CLSTN2: variants seen among roughly 807,000 people sequenced by gnomAD.
CLSTN2 encodes the protein calsyntenin 2.
CLSTN2 carries 48 observed loss-of-function variants against 101.2 expected under a neutral mutation model. The observed-to-expected ratio is 0.47, with a 90% confidence interval of 0.38 to 0.60. The LOEUF (loss-of-function observed/expected upper bound fraction) is 0.60. Among genes scored for constraint, CLSTN2 ranks in the 20% least tolerant of loss-of-function variants. CLSTN2 has a pLI of 0.00. For synonymous variants in CLSTN2, 481 were observed against 463.6 expected (o/e 1.04, Z -0.48); for missense variants, 1,160 against 1,238.2 (o/e 0.94, Z 0.95).
intron 2 of CLSTN2, among the ~76,000 whole-genome samples, chr3:140,232,610 C>A (rs1037219722): frequency 6.6e-6 from 1 of 152,126 alleles, no homozygotes; most frequent in African/African-American, 2.4e-5. Flanking sequence ...ATGTGCCTAC[C>A]CACTCAGCAT....
chr3:140,243,012 C>T (rs559988332), intron 2 of CLSTN2, among the ~76,000 whole-genome samples: 2 of 152,328 alleles, frequency 1.3e-5, no homozygotes, highest in South Asian at 4.1e-4. Flanking sequence ...AGCTTGAAAT[C>T]TTGCCAAGCT....
intron 1 of CLSTN2, among the ~76,000 whole-genome samples, chr3:139,967,847 T>A (rs766482200): frequency 1.3e-5 from 2 of 152,162 alleles, no homozygotes; most frequent in Non-Finnish European, 2.9e-5. Flanking sequence ...TTAAACATGA[T>A]GTGCAGGCAG....
intron 2 of CLSTN2, among the ~76,000 whole-genome samples, chr3:140,267,274 A>G (rs2086701091): frequency 6.6e-6 from 1 of 152,202 alleles, no homozygotes; most frequent in African/African-American, 2.4e-5. Context: ...AAGCAGAATG[A>G]GGAGAATGCA....
chr3:140,356,610 T>C (rs2087672595), intron 2 of CLSTN2, among the ~76,000 whole-genome samples: 1 of 151,654 alleles, frequency 6.6e-6, no homozygotes, highest in Non-Finnish European at 1.5e-5. Context: ...ATACAAAAAT[T>C]AGCCGAGTGT....
At chr3:139,963,388 A>G (rs1197516501) in intron 1 of CLSTN2, among the ~76,000 whole-genome samples, 1 of 151,974 alleles carries the variant, frequency 6.6e-6, no homozygotes, top group Non-Finnish European at 1.5e-5. Context: ...TACTTTTCCA[A>G]TCACATTACC....
intron 2 of CLSTN2, among the ~76,000 whole-genome samples, chr3:140,259,211 G>T (rs1313025161): frequency 6.7e-6 from 1 of 149,984 alleles, no homozygotes; most frequent in African/African-American, 2.5e-5. Context: ...GGTGGCTCAC[G>T]CTTGTAATCC....
chr3:140,024,535 G>T (rs1165164379), intron 1 of CLSTN2, among the ~76,000 whole-genome samples: 1 of 152,202 alleles, frequency 6.6e-6, no homozygotes, highest in Non-Finnish European at 1.5e-5. Context: ...GGCAGTCTCG[G>T]CCTGGCCTTG....
At chr3:140,275,258 C>G (rs1310373881) in intron 2 of CLSTN2, among the ~76,000 whole-genome samples, 1 of 137,888 alleles carries the variant, frequency 7.3e-6, no homozygotes, top group Admixed American at 8.0e-5. Flanking sequence ...CCCTTCCTTA[C>G]AGGTACCCCT....
At chr3:139,971,465 G>T (rs775462063) in intron 1 of CLSTN2, among the ~76,000 whole-genome samples, 5 of 152,186 alleles carry the variant, frequency 3.3e-5, no homozygotes, top group Non-Finnish European at 7.4e-5. Flanking sequence ...GGCTACAGTT[G>T]CTGTCCTTGG....
chr3:140,566,471 G>A lies in CLSTN2; in HGVS notation c.*218G>A. The A allele has an allele frequency of 1.7e-6, 1 of 583,692 alleles. No homozygotes were observed. Among genetic ancestry groups the A allele is most frequent in the Non-Finnish European group, 3.1e-6 (1 of 327,036 alleles). The allele number at this position is 583,692 out of a possible 1,614,324, so 36.2% of individuals were successfully genotyped here. Reference sequence around the variant, plus strand: ...GCATGGCCATCAGTGAGGACTTCAGGGTAGACTTTGTCCTGTAGCCTCCAC... The same window carrying A: ...GCATGGCCATCAGTGAGGACTTCAGAGTAGACTTTGTCCTGTAGCCTCCAC... On this transcript the variant is annotated 3_prime_UTR_variant, in exon 17 of 17. Transcript: ENST00000458420.
At chr3:140,415,312 G>A (rs1458510825) in intron 4 of CLSTN2, among the ~76,000 whole-genome samples, 2 of 151,772 alleles carry the variant, frequency 1.3e-5, no homozygotes, top group Non-Finnish European at 2.9e-5. Context: ...AAAAGCATAG[G>A]CAACAAAAGC....
intron 2 of CLSTN2, among the ~76,000 whole-genome samples, chr3:140,259,224 A>G (rs1039737952): frequency 1.3e-5 from 2 of 151,828 alleles, no homozygotes; most frequent in Non-Finnish European, 2.9e-5. Context: ...TGTAATCCTA[A>G]GCACTCTGGG....
At chr3:140,015,590 A>G (rs554277791) in intron 1 of CLSTN2, among the ~76,000 whole-genome samples, 1 of 152,374 alleles carries the variant, frequency 6.6e-6, no homozygotes, top group African/African-American at 2.4e-5. Context: ...GAGAAACAGA[A>G]GAATGGGATT....
intron 1 of CLSTN2, among the ~76,000 whole-genome samples, chr3:140,062,512 A>G (rs1323049289): frequency 6.6e-6 from 1 of 152,154 alleles, no homozygotes; most frequent in African/African-American, 2.4e-5. Flanking sequence ...ACCCAGTTCC[A>G]TGTGAGCAGA....
intron 1 of CLSTN2, among the ~76,000 whole-genome samples, chr3:139,950,461 G>C (rs906029077): frequency 6.6e-6 from 1 of 152,180 alleles, no homozygotes; most frequent in Admixed American, 6.5e-5. Context: ...AGCCAAGATA[G>C]AATAGACCAT....
intron 1 of CLSTN2, among the ~76,000 whole-genome samples, chr3:140,089,161 G>A (rs1009742154): frequency 2.0e-5 from 3 of 152,142 alleles, no homozygotes; most frequent in African/African-American, 7.2e-5. Flanking sequence ...ACTGAGACCT[G>A]GTCTAGGGCT....
intron 2 of CLSTN2, among the ~76,000 whole-genome samples, chr3:140,384,586 C>G (rs13093685): frequency 0.11 from 16,812 of 152,200 alleles, 1,189 homozygotes; most frequent in African/African-American, 0.18. Context: ...AAAGTCCCTT[C>G]ATTTTCCACT....
intron 1 of CLSTN2, among the ~76,000 whole-genome samples, chr3:140,095,365 C>G (rs983990483): frequency 6.6e-6 from 1 of 152,184 alleles, no homozygotes; most frequent in Non-Finnish European, 1.5e-5. Flanking sequence ...TTTCGATACT[C>G]CAGATTGCTT....
intron 1 of CLSTN2, among the ~76,000 whole-genome samples, chr3:140,000,416 AG>A (rs1367406796): frequency 1.3e-5 from 2 of 152,254 alleles, no homozygotes; most frequent in African/African-American, 4.8e-5. Flanking sequence ...TGCCCATTAA[AG>A]ATTAGCTACA....
Sources: allele counts gnomAD v4.1 joint callset (sites outside exome capture counted in the v4.1 genomes callset), GRCh38; gene constraint gnomAD v4.1.1; transcripts MANE v1.5; gene names NCBI Gene and HGNC (gene_info 2026-07-23, HGNC 2026-07-21).